The following CDKN3 variants were observed in gnomAD, a reference collection of about 807,000 sequenced individuals.
CDKN3 encodes the protein cyclin-dependent kinase inhibitor 3.
A neutral mutation model predicts 36.1 loss-of-function variants in CDKN3; 19 were observed. The observed-to-expected ratio is 0.53, with a 90% CI of 0.37 to 0.77. The LOEUF (loss-of-function observed/expected upper bound fraction) is 0.77. CDKN3 is among the 30% of genes least tolerant of loss of function. The pLI, the probability that CDKN3 is intolerant of heterozygous loss-of-function variation, is 0.00. For synonymous variants in CDKN3, 71 were observed against 85.3 expected, an observed-to-expected ratio of 0.83 and a Z score of 0.92; for missense variants, 188 against 248.6, an observed-to-expected ratio of 0.76 and a Z score of 1.64.
intron 3 of CDKN3, among the ~76,000 whole-genome samples, chr14:54,402,993 A>G (rs2030014699): frequency 6.6e-6 from 1 of 152,334 alleles, no homozygotes; most frequent in East Asian, 1.9e-4. Context: ...TGATGCCTCC[A>G]GCGTTGTTCT....
At chr14:54,417,766 C>T (rs2030596913) in intron 6 of CDKN3, 82 bp from the exon 7 acceptor site, 1 of 703,042 alleles carries the variant, frequency 1.4e-6, no homozygotes, top group Admixed American at 2.6e-5. Context: ...TCTGTATCAA[C>T]AGAAGTCTTA....
intron 4 of CDKN3, among the ~76,000 whole-genome samples, chr14:54,410,013 T>G (rs2030296254): frequency 6.6e-6 from 1 of 152,298 alleles, no homozygotes; most frequent in Non-Finnish European, 1.5e-5. Flanking sequence ...GCTAGGAAAT[T>G]TCTATTTGGA....
chr14:54,408,792 AG>A lies in CDKN3; in HGVS notation c.193+5del. 6.3e-7 allele frequency: 1 copy of A among 1,575,452 alleles called. No individual in the cohort carries two copies. Among genetic ancestry groups the A allele is most frequent in the Non-Finnish European group, 8.6e-7 (1 of 1,166,206 alleles). Reference sequence around the variant, plus strand: ...AAGAAATGTCCAAAAAGATACAGGTAGGTATAATATCACGCAACCACACTCA... The same window carrying A: ...AAGAAATGTCCAAAAAGATACAGGTAGTATAATATCACGCAACCACACTCA... On this transcript the variant is annotated splice_donor_region_variant and intron_variant, in intron 4 of 7. Coordinates refer to ENST00000335183, the MANE Select transcript of CDKN3 (RefSeq NM_005192.4).
At chr14:54,409,773 C>T (rs2030286872) in intron 4 of CDKN3, among the ~76,000 whole-genome samples, 1 of 151,562 alleles carries the variant, frequency 6.6e-6, no homozygotes, top group Admixed American at 6.6e-5. Context: ...GTCAAAGCTG[C>T]AGTGAGCTGA....
chr14:54,407,546 AG>A (rs1191621461), intron 3 of CDKN3, among the ~76,000 whole-genome samples: 1 of 152,168 alleles, frequency 6.6e-6, no homozygotes, highest in Non-Finnish European at 1.5e-5. Context: ...CCCTGCCCAG[AG>A]TGGAGGAATC....
chr14:54,417,325 G>A (rs947710736), intron 6 of CDKN3, among the ~76,000 whole-genome samples: 2 of 152,236 alleles, frequency 1.3e-5, no homozygotes, highest in South Asian at 2.1e-4. Flanking sequence ...ATCATAAAAA[G>A]GAATTAAATA....
chr14:54,403,709 G>A (rs973744728), intron 3 of CDKN3, among the ~76,000 whole-genome samples: 18 of 152,230 alleles, frequency 1.2e-4, no homozygotes, highest in South Asian at 4.1e-4. Flanking sequence ...TTTCAGATAC[G>A]TTCCATCAAT....
chr14:54,418,291 T>C, intron 7 of CDKN3: 1 of 701,756 alleles, frequency 1.4e-6, no homozygotes, highest in Non-Finnish European at 2.6e-6. Flanking sequence ...AGATGGTTAT[T>C]GTTAATACAA....
chr14:54,403,543 C>T (rs2030038062), intron 3 of CDKN3, among the ~76,000 whole-genome samples: 1 of 152,176 alleles, frequency 6.6e-6, no homozygotes, highest in African/African-American at 2.4e-5. Flanking sequence ...CTTTCTCTTG[C>T]CTGATTCCCC....
chr14:54,404,325 A>C (rs1046253951), intron 3 of CDKN3, among the ~76,000 whole-genome samples: 1 of 151,950 alleles, frequency 6.6e-6, no homozygotes, highest in African/African-American at 2.4e-5. Flanking sequence ...CTAGATTTCT[A>C]GTTTATTTTT....
At chr14:54,410,914 C>T (rs1245324954) in intron 4 of CDKN3, among the ~76,000 whole-genome samples, 2 of 152,134 alleles carry the variant, frequency 1.3e-5, no homozygotes, top group Admixed American at 6.5e-5. Context: ...CATGGTGGCT[C>T]ATGCCTGTAA....
intron 1 of CDKN3, 23 bp downstream of exon 1, chr14:54,397,100 T>C: frequency 1.3e-6 from 2 of 1,494,344 alleles, no homozygotes. Flanking sequence ...TGCTGGGGTT[T>C]GGAGGAGCGA....
chr14:54,399,968 T>C lies in CDKN3; in HGVS notation c.84T>C (p.His28=). The change falls in exon 2 of 8, where the codon CAT becomes CAC. Residue 28 remains histidine (H), a synonymous_variant. Coordinates refer to ENST00000335183, the MANE Select transcript of CDKN3 (RefSeq NM_005192.4). ...TTGAAGATGAACAGACTCCAATTCA[T>C]ATATCATGGTATGTTAGCATTTCTG... The part of the protein sequence containing the change: ...EPIEDEQTPI[H]ISWLSLSRVN... 1 of 1,413,228 alleles carries C rather than the reference T, an allele frequency of 7.1e-7. No individual in the cohort carries two copies. Among genetic ancestry groups the C allele is most frequent in the Non-Finnish European group, 1.0e-6 (1 of 997,074 alleles). The allele number at this position is 1,413,228 out of a possible 1,614,324, so 87.5% of individuals were successfully genotyped here.
At chr14:54,410,452 C>CAG (rs4251633) in intron 4 of CDKN3, among the ~76,000 whole-genome samples, 4,732 of 152,206 alleles carry the variant, frequency 0.031, 233 homozygotes, top group African/African-American at 0.11. Flanking sequence ...TTAGATCATC[C>CAG]AGTTATTTAT....
At chr14:54,413,600 T>C (rs1344402451) in intron 5 of CDKN3, 6 of 1,530,222 alleles carry the variant, frequency 3.9e-6, no homozygotes, top group East Asian at 4.9e-5. Flanking sequence ...TTTTTCATTG[T>C]CCTAGAGCTT....
At chr14:54,402,161 G>A (rs1406478966) in intron 3 of CDKN3, among the ~76,000 whole-genome samples, 7 of 148,458 alleles carry the variant, frequency 4.7e-5, no homozygotes, top group African/African-American at 7.5e-5. Flanking sequence ...AGCCGAGATC[G>A]CACCACTGCA....
chr14:54,416,991 C>A (rs2030574891), intron 6 of CDKN3, among the ~76,000 whole-genome samples: 2 of 152,104 alleles, frequency 1.3e-5, no homozygotes, highest in Non-Finnish European at 2.9e-5. Flanking sequence ...CCACTTGACA[C>A]CAATTAGGAA....
At chr14:54,409,402 T>C (rs894603828) in intron 4 of CDKN3, among the ~76,000 whole-genome samples, 8 of 152,232 alleles carry the variant, frequency 5.3e-5, no homozygotes, top group Admixed American at 5.2e-4. Flanking sequence ...GTCTCAAACC[T>C]ACTAGTCCTA....
intron 3 of CDKN3, among the ~76,000 whole-genome samples, chr14:54,402,198 C>CT (rs766922781): frequency 7.9e-5 from 11 of 139,488 alleles, no homozygotes; most frequent in Non-Finnish European, 1.5e-4. Flanking sequence ...GAGCGAGACT[C>CT]TGTCTCAAAA....
Sources: gnomAD v4.1 joint callset for allele counts (sites outside exome capture counted in the v4.1 genomes callset) on GRCh38, gnomAD v4.1.1 for gene constraint, MANE v1.5 for transcripts, NCBI Gene and HGNC (gene_info 2026-07-23, HGNC 2026-07-21) for gene names.